Variants in GSTA5 observed in about 807,000 individuals in gnomAD.
GSTA5 encodes glutathione S-transferase alpha 5.
GSTA5 carries 25 observed loss-of-function variants against 21.8 expected under a neutral mutation model. The ratio of observed to expected loss-of-function variants is 1.14; its 90% CI spans 0.83 to 1.60. The LOEUF is 1.60. GSTA5 is among the 40% of genes most tolerant of loss of function. The pLI, the probability that GSTA5 is intolerant of heterozygous loss-of-function variation, is 0.00. For synonymous variants in GSTA5, 102 were observed against 89.5 expected, an observed-to-expected ratio of 1.14 and a Z score of -0.78; for missense variants, 330 against 259.2, an observed-to-expected ratio of 1.27 and a Z score of -1.88.
intron 3 of GSTA5, among the ~76,000 whole-genome samples, chr6:52,835,966 A>G (rs151309658): frequency 6.6e-6 from 1 of 152,162 alleles, no homozygotes; most frequent in East Asian, 1.9e-4. Flanking sequence ...CATCCTCCTC[A>G]GTTCATAGGG....
At chr6:52,844,817 C>T (rs978584225), upstream of GSTA5, among the ~76,000 whole-genome samples, 3 of 152,172 alleles carry the variant, frequency 2.0e-5, no homozygotes, top group Non-Finnish European at 2.9e-5. Context: ...ATGGGTGAGT[C>T]TCTGGACACA....
upstream of GSTA5, among the ~76,000 whole-genome samples, chr6:52,841,821 G>A (rs1216795490): frequency 1.2e-4 from 19 of 152,274 alleles, no homozygotes; most frequent in East Asian, 3.5e-3. Context: ...TGGTGGATCT[G>A]GGATGCAGAC....
intron 4 of GSTA5, among the ~76,000 whole-genome samples, chr6:52,833,928 T>TA (rs1764253384): frequency 6.6e-6 from 1 of 152,324 alleles, no homozygotes; most frequent in South Asian, 2.1e-4. Flanking sequence ...GTCTGTAAAT[T>TA]AAAATTTTAC....
intron 1 of GSTA5, among the ~76,000 whole-genome samples, chr6:52,838,030 G>A (rs1764317283): frequency 6.6e-6 from 1 of 152,174 alleles, no homozygotes; most frequent in Non-Finnish European, 1.5e-5. Context: ...CAAATATTCT[G>A]CCACCAAGGA....
chr6:52,842,793 G>A (rs1764399025), upstream of GSTA5, among the ~76,000 whole-genome samples: 1 of 152,136 alleles, frequency 6.6e-6, no homozygotes, highest in Non-Finnish European at 1.5e-5. Flanking sequence ...GGGTACATGT[G>A]CAAAACATGC....
At chr6:52,836,325 G>A (rs765250714) in exon 3 of GSTA5, 29 of 1,613,042 alleles carry the variant, frequency 1.8e-5, no homozygotes, top group East Asian at 2.2e-5. Context: ...GCTTCATCCC[G>A]TCAATCTCAA....
At chr6:52,842,714 G>A (rs1320198917), upstream of GSTA5, among the ~76,000 whole-genome samples, 2 of 152,116 alleles carry the variant, frequency 1.3e-5, no homozygotes, top group Admixed American at 1.3e-4. Context: ...GTCAACTAAT[G>A]TACTTCTACA....
chr6:52,835,370 A>G (rs773427786), intron 3 of GSTA5, among the ~76,000 whole-genome samples: 4 of 152,212 alleles, frequency 2.6e-5, no homozygotes, highest in African/African-American at 4.8e-5. Flanking sequence ...ATGACCAAAT[A>G]TCTTTCCATT....
At chr6:52,845,989 G>A in the GSTA5 span, 191 of 155,162 alleles carry the variant, frequency 1.2e-3, 4 homozygotes, top group East Asian at 0.03. Flanking sequence ...ACACATATTA[G>A]CATATTTTTC....
upstream of GSTA5, among the ~76,000 whole-genome samples, chr6:52,844,894 C>CTA (rs1369707653): frequency 2.6e-5 from 4 of 152,094 alleles, no homozygotes; most frequent in African/African-American, 7.2e-5. Context: ...TACCAACAAT[C>CTA]TATGTATATG....
chr6:52,838,703 A>C (rs2127324778), intron 1 of GSTA5, among the ~76,000 whole-genome samples: 1 of 152,344 alleles, frequency 6.6e-6, no homozygotes, highest in East Asian at 1.9e-4. Context: ...CCAAAAGTCT[A>C]AGCAAAAGTT....
At position 52,836,106 on chromosome 6, in the gene GSTA5, A is replaced by T. The variant is rs1581816328; in HGVS notation, c.272+130T>A. The stretch of plus-strand genomic sequence containing the variant: ...TCTCCATGGGACTCTGCAATACTGG[A>T]CCTCAGCGTGCATCCTCAAGACCCA... On this transcript the variant is annotated intron_variant, in intron 3 of 5. Transcript: ENST00000370989. 4.3e-6 allele frequency: 4 copies of T among 936,868 alleles called. No homozygotes were observed. The East Asian group carries it at 9.6e-5, about 23-fold the overall frequency. The allele number at this position is 936,868 out of a possible 1,614,324, so 58.0% of individuals were successfully genotyped here. A position where few individuals can be genotyped will look rare whatever the true frequency, so the allele number is the denominator to read the frequency against.
At chr6:52,833,263 T>C (rs938196740) in intron 4 of GSTA5, among the ~76,000 whole-genome samples, 4 of 152,212 alleles carry the variant, frequency 2.6e-5, no homozygotes, top group African/African-American at 9.7e-5. Context: ...TTCTTCCACA[T>C]GCGCCAAGGA....
At chr6:52,834,755 C>CAGG (rs1425713328) in intron 3 of GSTA5, among the ~76,000 whole-genome samples, 3 of 152,154 alleles carry the variant, frequency 2.0e-5, no homozygotes, top group African/African-American at 7.2e-5. Flanking sequence ...TTCTTGTCCT[C>CAGG]TCTCATCATT....
intron 1 of GSTA5, among the ~76,000 whole-genome samples, chr6:52,839,630 T>C (rs1007142441): frequency 6.6e-6 from 1 of 152,090 alleles, no homozygotes; most frequent in African/African-American, 2.4e-5. Context: ...GAAACCCCCC[T>C]TTTCTGCTGC....
At chr6:52,840,000 T>G (rs557315806) in intron 1 of GSTA5, among the ~76,000 whole-genome samples, 82 of 152,366 alleles carry the variant, frequency 5.4e-4, no homozygotes, top group African/African-American at 1.9e-3. Context: ...AATTAATAAG[T>G]GCTCAACAAA....
chr6:52,836,589 G>A (rs1165802194), intron 2 of GSTA5, among the ~76,000 whole-genome samples: 4 of 152,214 alleles, frequency 2.6e-5, no homozygotes, highest in Admixed American at 2.6e-4. Flanking sequence ...TCAGCTCACT[G>A]TAACCTCTGC....
At chr6:52,842,089 G>T (rs529762384), upstream of GSTA5, among the ~76,000 whole-genome samples, 12 of 152,324 alleles carry the variant, frequency 7.9e-5, no homozygotes, top group Admixed American at 2.0e-4. Flanking sequence ...TGGTTAGAGA[G>T]AAATTGACTG....
chr6:52,841,659 C>A (rs1333874754), upstream of GSTA5, among the ~76,000 whole-genome samples: 1 of 152,224 alleles, frequency 6.6e-6, no homozygotes, highest in Non-Finnish European at 1.5e-5. Context: ...ATGGAAGGAG[C>A]TAGCATTTGT....
Sources: allele counts gnomAD v4.1 joint callset (sites outside exome capture counted in the v4.1 genomes callset), GRCh38; gene constraint gnomAD v4.1.1; transcripts MANE v1.5; gene names NCBI Gene and HGNC (gene_info 2026-07-23, HGNC 2026-07-21).